BNC2: variants seen among roughly 807,000 people sequenced by gnomAD.
BNC2 encodes zinc finger protein basonuclin-2.
A neutral mutation model predicts 76.3 loss-of-function variants in BNC2; 20 were observed. The observed-to-expected ratio is 0.26, with a 90% confidence interval of 0.18 to 0.38. The LOEUF (loss-of-function observed/expected upper bound fraction) is 0.38, where lower values mean the gene tolerates loss of function less well. Among genes scored for constraint, BNC2 ranks in the 10% least tolerant of loss-of-function variants. The pLI, the probability that BNC2 is intolerant of heterozygous loss-of-function variation, is 1.00. For synonymous variants in BNC2, 582 were observed against 514.8 expected, an observed-to-expected ratio of 1.13 and a Z score of -1.77; for missense variants, 1,382 against 1,399.8, an observed-to-expected ratio of 0.99 and a Z score of 0.20.
chr9:16,438,924 C>T (rs1408572680), intron 5 of BNC2, among the ~76,000 whole-genome samples: 1 of 152,088 alleles, frequency 6.6e-6, no homozygotes, highest in Non-Finnish European at 1.5e-5. Context: ...ACCCAAATCT[C>T]ATCTTGAATT....
At chr9:16,760,394 C>T (rs371658186) in intron 1 of BNC2, among the ~76,000 whole-genome samples, 12 of 152,216 alleles carry the variant, frequency 7.9e-5, no homozygotes, top group African/African-American at 2.4e-4. Flanking sequence ...GATATTACAA[C>T]GGTTTATGGT....
chr9:16,843,389 G>A (rs1157287376), intron 1 of BNC2, among the ~76,000 whole-genome samples: 2 of 152,218 alleles, frequency 1.3e-5, no homozygotes, highest in Non-Finnish European at 2.9e-5. Flanking sequence ...GAGTGCAGTG[G>A]CAAAAATCTC....
chr9:16,509,263 C>A (rs557643930), intron 5 of BNC2, among the ~76,000 whole-genome samples: 9 of 152,310 alleles, frequency 5.9e-5, no homozygotes, highest in African/African-American at 2.2e-4. Flanking sequence ...TTACAGATCA[C>A]CTCAACACTT....
At chr9:16,790,919 C>A (rs1817486953) in intron 1 of BNC2, among the ~76,000 whole-genome samples, 1 of 147,060 alleles carries the variant, frequency 6.8e-6, no homozygotes, top group African/African-American at 2.5e-5. Flanking sequence ...TTTGACAATT[C>A]TCCCCTTTAA....
chr9:16,493,256 G>C (rs1188919589), intron 5 of BNC2, among the ~76,000 whole-genome samples: 1 of 152,194 alleles, frequency 6.6e-6, no homozygotes, highest in African/African-American at 2.4e-5. Context: ...AGTGCATCCT[G>C]ATAGGTTTTA....
chr9:16,459,437 G>A (rs902098972), intron 5 of BNC2, among the ~76,000 whole-genome samples: 11 of 152,178 alleles, frequency 7.2e-5, no homozygotes, highest in Non-Finnish European at 1.3e-4. Context: ...GGATTTTACT[G>A]AGGGTGGTGG....
At chr9:16,444,132 C>T (rs1463513542) in intron 5 of BNC2, among the ~76,000 whole-genome samples, 1 of 152,088 alleles carries the variant, frequency 6.6e-6, no homozygotes, top group African/African-American at 2.4e-5. Flanking sequence ...CCCATTTGCT[C>T]CTATTAGTGG....
intron 3 of BNC2, chr9:16,664,962 A>T: frequency 3.1e-6 from 1 of 324,138 alleles, no homozygotes; most frequent in Non-Finnish European, 6.0e-6. Flanking sequence ...GGTTATAGGC[A>T]GCATTAGCAC....
intron 1 of BNC2, among the ~76,000 whole-genome samples, chr9:16,862,799 T>C (rs1222055611): frequency 6.6e-6 from 1 of 151,970 alleles, no homozygotes; most frequent in Non-Finnish European, 1.5e-5. Context: ...CCATAATAAA[T>C]GGAAATGAAA....
At position 16,608,161 on chromosome 9, in the gene BNC2, T is replaced by G. The variant is rs537109319; in HGVS notation, c.331-25076A>C. Among the ~76,000 whole-genome samples the G allele has an allele frequency of 1.6e-4, 25 of 152,290 alleles. No individual in the cohort carries two copies. In the South Asian group the frequency reaches 4.1e-3, roughly 25 times the overall value. The stretch of plus-strand genomic sequence containing the variant: ...TCTACTTTCCATGAGCAGAAAAAGA[T>G]TCCTTAGGGGTACTTCCTACTTCCT... On this transcript the variant is annotated intron_variant, in intron 3 of 6. Transcript: ENST00000380672.
At chr9:16,870,204 T>C (rs1819645321) in intron 1 of BNC2, among the ~76,000 whole-genome samples, 1 of 151,606 alleles carries the variant, frequency 6.6e-6, no homozygotes, top group African/African-American at 2.4e-5. Context: ...GGCGGCAAGT[T>C]GTAAAAGTTC....
intron 5 of BNC2, among the ~76,000 whole-genome samples, chr9:16,490,446 T>C (rs933140161): frequency 6.6e-6 from 1 of 152,152 alleles, no homozygotes; most frequent in Non-Finnish European, 1.5e-5. Context: ...ACAATTCAAG[T>C]TGAGATTTAG....
intron 3 of BNC2, among the ~76,000 whole-genome samples, chr9:16,641,179 T>C (rs1160113851): frequency 6.6e-6 from 1 of 152,212 alleles, no homozygotes; most frequent in South Asian, 2.1e-4. Flanking sequence ...CACTGATTAC[T>C]TTTTTAAATC....
In BNC2 at chr9:16,552,586, T is replaced by C. The variant is rs767536124; in HGVS notation, c.613A>G (p.Ile205Val). 3.6e-5 allele frequency: 58 copies of C among 1,614,110 alleles called. No individual in the cohort carries two copies. The highest frequency in any genetic ancestry group is 4.5e-5 in the Non-Finnish European group (53 of 1,180,050). ...AGAGTCCAGCCAAGGCCGTGCAGTA[T>C]GTGCAGTACCTCCTCTTGCTTCAGG... ...SVLKQEEVLH[I>V]LHGLGWTLRD... is the part of the protein sequence containing the mutation. Residue 205 changes from isoleucine (I) to valine (V), a missense_variant, in exon 5 of 7, where the codon ATA (isoleucine) becomes GTA (valine). Ile to Val is a conservative substitution (Grantham distance 29). Coordinates refer to ENST00000380672, the MANE Select transcript of BNC2 (RefSeq NM_017637.6).
At chr9:16,835,940 T>C (rs1818696080) in intron 1 of BNC2, among the ~76,000 whole-genome samples, 1 of 152,170 alleles carries the variant, frequency 6.6e-6, no homozygotes, top group South Asian at 2.1e-4. Flanking sequence ...GAGTCTTCAG[T>C]AAAACACAGC....
chr9:16,857,930 T>C (rs1401150205), intron 1 of BNC2, among the ~76,000 whole-genome samples: 1 of 152,246 alleles, frequency 6.6e-6, no homozygotes, highest in African/African-American at 2.4e-5. Flanking sequence ...ACCTTTCATT[T>C]GCTCTCAAGT....
intron 3 of BNC2, among the ~76,000 whole-genome samples, chr9:16,596,576 A>C (rs1280303338): frequency 1.3e-5 from 2 of 152,138 alleles, no homozygotes; most frequent in African/African-American, 4.8e-5. Flanking sequence ...AAATTCTTTC[A>C]TTTTCACTTA....
rs931541699 is a variant in BNC2 at position 16,418,837 on chromosome 9, C to A, written c.*152G>T. ...TTATCTTGTTTATCTCAAGGAAATA[C>A]GTGTGTGTATATGTAGCCACAGAGC... On this transcript the variant is annotated 3_prime_UTR_variant, in exon 7 of 7. Transcript: ENST00000380672. The A allele has an allele frequency of 6.1e-6, 5 of 823,860 alleles. No homozygotes were observed. Among genetic ancestry groups the A allele is most frequent in the Non-Finnish European group, 7.8e-6 (4 of 510,012 alleles). 51.0% of individuals were successfully genotyped at this position (823,860 alleles called of 1,614,324 possible). A position where few individuals can be genotyped will look rare whatever the true frequency, so the allele number is the denominator to read the frequency against.
chr9:16,780,364 G>A lies in BNC2; in HGVS notation c.4-41879C>T, dbSNP rs370355005. 3.1e-3 allele frequency among the ~76,000 whole-genome samples: 471 copies of A among 151,162 alleles called. 3 individuals are homozygous for A. The highest frequency in any genetic ancestry group is 0.01 in the African/African-American group (418 of 41,246). The stretch of plus-strand genomic sequence containing the variant: ...CGAGGCTGGCAGATCATGAGGTCAG[G>A]AGCTCAAGACCATCCTGGCCAACAT... On this transcript the variant is annotated intron_variant, in intron 1 of 6. Transcript: ENST00000380672.
Sources: allele counts gnomAD v4.1 joint callset (sites outside exome capture counted in the v4.1 genomes callset), GRCh38; gene constraint gnomAD v4.1.1; transcripts MANE v1.5; gene names NCBI Gene and HGNC (gene_info 2026-07-23, HGNC 2026-07-21).